The following OR1J2 variants were observed in gnomAD, a reference collection of about 807,000 sequenced individuals.
OR1J2 encodes olfactory receptor 1J2.
For synonymous variants in OR1J2, 142 were observed against 99.7 expected, an observed-to-expected ratio of 1.42 and a Z score of -2.52; for missense variants, 304 against 246.1, an observed-to-expected ratio of 1.24 and a Z score of -1.57.
At chr9:122,451,302 C>T in the OR1J2 span, among the ~76,000 whole-genome samples, 3 of 151,920 alleles carry the variant, frequency 2.0e-5, no homozygotes, top group Non-Finnish European at 4.4e-5. Flanking sequence ...TCTCCTGCCT[C>T]GGCCTCGTGA....
the OR1J2 span, chr9:122,519,767 A>C: frequency 6.2e-7 from 1 of 1,613,994 alleles, no homozygotes; most frequent in Non-Finnish European, 8.5e-7. Context: ...TCATTACTCT[A>C]CCACTAATAT....
the OR1J2 span, among the ~76,000 whole-genome samples, chr9:122,487,771 C>A: frequency 1.3e-5 from 2 of 152,182 alleles, no homozygotes; most frequent in Non-Finnish European, 2.9e-5. Flanking sequence ...CAGTTAGGGG[C>A]TAATTACTGT....
chr9:122,474,958 C>T, the OR1J2 span: 1 of 152,242 alleles, frequency 6.6e-6, no homozygotes, highest in Non-Finnish European at 1.5e-5. Context: ...TCCCTTTACC[C>T]TGCCCTCACC....
chr9:122,484,864 G>T, the OR1J2 span, among the ~76,000 whole-genome samples: 1 of 145,514 alleles, frequency 6.9e-6, no homozygotes, highest in Non-Finnish European at 1.5e-5. Context: ...GAGACCCTGT[G>T]TCTACCAAAA....
the OR1J2 span, among the ~76,000 whole-genome samples, chr9:122,542,200 C>A: frequency 6.6e-6 from 1 of 152,104 alleles, no homozygotes; most frequent in Non-Finnish European, 1.5e-5. Flanking sequence ...TTTTATTATA[C>A]AAATAACCCA....
chr9:122,520,794 C>G, the OR1J2 span, among the ~76,000 whole-genome samples: 9 of 152,214 alleles, frequency 5.9e-5, no homozygotes, highest in Admixed American at 3.3e-4. Flanking sequence ...TCTTCGTTGT[C>G]TTTCTTATTG....
the OR1J2 span, among the ~76,000 whole-genome samples, chr9:122,472,299 C>G: frequency 2.0e-5 from 3 of 152,198 alleles, no homozygotes; most frequent in African/African-American, 7.2e-5. Context: ...CTTGAGCTCC[C>G]AGCAACTGAG....
the OR1J2 span, among the ~76,000 whole-genome samples, chr9:122,449,278 T>C: frequency 6.6e-6 from 1 of 152,200 alleles, no homozygotes; most frequent in Non-Finnish European, 1.5e-5. Flanking sequence ...ACAGCCAGAC[T>C]ATCTCAGCTT....
rs565485982 is a variant in OR1J2, at chr9:122,511,603, A to G, written c.802A>G (p.Ile268Val). ...QYLFPTVSSS[I>V]DKDVIVALMY... ...CCTTTTCCCGACTGTAAGCAGTTCT[A>G]TTGACAAGGATGTCATTGTGGCTCT... Residue 268 changes from isoleucine to valine, a missense_variant, in exon 1 of 1, where the codon ATT becomes GTT. Physicochemically the swap from Ile to Val is conservative, Grantham distance 29. Coordinates refer to ENST00000335302, the MANE Select transcript of OR1J2 (RefSeq NM_054107.1). 6.4e-6 allele frequency: 5 copies of G among 781,052 alleles called. No individual in the cohort carries two copies. The highest frequency in any genetic ancestry group is 2.7e-5 in the South Asian group (2 of 74,612). 48.4% of individuals were successfully genotyped at this position (781,052 alleles called of 1,614,324 possible). A position where few individuals can be genotyped will look rare whatever the true frequency, so the allele number is the denominator to read the frequency against.
the OR1J2 span, among the ~76,000 whole-genome samples, chr9:122,492,618 A>G: frequency 6.6e-6 from 1 of 152,162 alleles, no homozygotes; most frequent in African/African-American, 2.4e-5. Context: ...TTCCACTAAC[A>G]GTGTATAAAC....
the OR1J2 span, among the ~76,000 whole-genome samples, chr9:122,494,977 A>G: frequency 6.6e-6 from 1 of 152,172 alleles, no homozygotes; most frequent in Non-Finnish European, 1.5e-5. Flanking sequence ...TTCTTGGCTG[A>G]TAATTGTTTT....
chr9:122,492,785 C>G, the OR1J2 span, among the ~76,000 whole-genome samples: 1 of 152,094 alleles, frequency 6.6e-6, no homozygotes, highest in Non-Finnish European at 1.5e-5. Context: ...TTGTTTTGTT[C>G]CAGTTCTCAG....
the OR1J2 span, among the ~76,000 whole-genome samples, chr9:122,525,110 G>A: frequency 6.6e-6 from 1 of 152,138 alleles, no homozygotes; most frequent in Non-Finnish European, 1.5e-5. Context: ...GTTACATGAC[G>A]ATGCCCTGCT....
the OR1J2 span, among the ~76,000 whole-genome samples, chr9:122,578,597 A>G: frequency 6.6e-6 from 1 of 152,212 alleles, no homozygotes; most frequent in Non-Finnish European, 1.5e-5. Context: ...TGATATATAC[A>G]TATACCATGG....
the OR1J2 span, among the ~76,000 whole-genome samples, chr9:122,467,053 C>T: frequency 6.6e-5 from 10 of 152,208 alleles, no homozygotes; most frequent in African/African-American, 9.6e-5. Context: ...TCTCGAACTC[C>T]AGACCTCATA....
At chr9:122,546,597 T>TA in the OR1J2 span, among the ~76,000 whole-genome samples, 9 of 152,228 alleles carry the variant, frequency 5.9e-5, no homozygotes, top group South Asian at 6.2e-4. Context: ...GGCTATTTGT[T>TA]AAAAAAATTA....
chr9:122,482,483 G>C, the OR1J2 span, among the ~76,000 whole-genome samples: 2,203 of 152,156 alleles, frequency 0.014, 38 homozygotes, highest in African/African-American at 0.05. Context: ...AAATTAAATA[G>C]AACTACCATA....
chr9:122,569,659 CATTTTATTTT>C, the OR1J2 span, among the ~76,000 whole-genome samples: 119 of 150,498 alleles, frequency 7.9e-4, no homozygotes, highest in Admixed American at 5.0e-3. Flanking sequence ...GAAACAACTT[CATTTTATTTT>C]ATTTTATTTT....
the OR1J2 span, among the ~76,000 whole-genome samples, chr9:122,524,188 T>C: frequency 6.6e-6 from 1 of 152,212 alleles, no homozygotes; most frequent in Non-Finnish European, 1.5e-5. Flanking sequence ...TACAGTTGCC[T>C]ACAGCATTTA....
Sources: gnomAD v4.1 joint callset for allele counts (sites outside exome capture counted in the v4.1 genomes callset) on GRCh38, gnomAD v4.1.1 for gene constraint, MANE v1.5 for transcripts, NCBI Gene and HGNC (gene_info 2026-07-23, HGNC 2026-07-21) for gene names.